Variants in THEM4 observed in about 807,000 individuals in gnomAD.
The protein encoded by THEM4 is thioesterase superfamily member 4.
A neutral mutation model predicts 25.0 loss-of-function variants in THEM4; 22 were observed. The ratio of observed to expected loss-of-function variants is 0.88; its 90% CI spans 0.63 to 1.26. THEM4 has a LOEUF of 1.26. Ranked by LOEUF, THEM4 falls within the 50% of genes most tolerant of loss-of-function variation. The pLI is 0.00. For missense variants in THEM4, 286 were observed against 300.3 expected, an observed-to-expected ratio of 0.95 and a Z score of 0.35; for synonymous variants, 113 against 105.6, an observed-to-expected ratio of 1.07 and a Z score of -0.43.
Position 151,872,443 on chromosome 1 carries a change from A to G in THEM4, c.*2445T>C, listed in dbSNP as rs1200735145. 3.9e-5 allele frequency among the ~76,000 whole-genome samples: 6 copies of G among 152,234 alleles called. No individual in the cohort carries two copies. On this transcript the variant is annotated 3_prime_UTR_variant, in exon 6 of 6. Transcript: ENST00000368814. ...TAATATGGGGAAAGAAAGGAAAGAA[A>G]TGGAAGCCCAAATAATCTATTGCCT... is the stretch of plus-strand genomic sequence containing the variant.
chr1:151,891,477 G>A (rs1654091164), intron 2 of THEM4: 1 of 152,178 alleles, frequency 6.6e-6, no homozygotes, highest in African/African-American at 2.4e-5. Flanking sequence ...CCAGGGCTGG[G>A]GTTTTCCTAG....
chr1:151,909,466 G>A lies in THEM4; in HGVS notation c.-8C>T, dbSNP rs1406250229. ...GGCGCAGCTCCTCAGCATGGCTCCG[G>A]GCCGCGGGGCCGCGCTTGCTCTAGC... On this transcript the variant is annotated 5_prime_UTR_variant, in exon 1 of 6. Coordinates refer to ENST00000368814, the MANE Select transcript of THEM4 (RefSeq NM_053055.5). 19 of 1,379,832 alleles carry A rather than the reference G, an allele frequency of 1.4e-5. No individual in the cohort carries two copies. Among genetic ancestry groups the A allele is most frequent in the Middle Eastern group, 2.6e-4 (1 of 3,794 alleles). The allele number at this position is 1,379,832 out of a possible 1,614,324, so 85.5% of individuals were successfully genotyped here.
chr1:151,902,921 G>A (rs1173268038), intron 1 of THEM4, among the ~76,000 whole-genome samples: 3 of 152,156 alleles, frequency 2.0e-5, no homozygotes, highest in African/African-American at 7.2e-5. Flanking sequence ...CAGGGAGGTG[G>A]AGGTTGCAGT....
intron 1 of THEM4, among the ~76,000 whole-genome samples, chr1:151,900,576 A>C (rs1463644511): frequency 6.6e-6 from 1 of 152,254 alleles, no homozygotes; most frequent in African/African-American, 2.4e-5. Flanking sequence ...AGCAGTCAAA[A>C]AAGACAAAGA....
At chr1:151,891,445 G>A (rs1463184640) in intron 2 of THEM4, 1 of 152,198 alleles carries the variant, frequency 6.6e-6, no homozygotes, top group Non-Finnish European at 1.5e-5. Context: ...TCAAAGTAAA[G>A]ATGGCAGATG....
intron 2 of THEM4, chr1:151,890,228 C>G: frequency 2.2e-6 from 1 of 457,444 alleles, no homozygotes; most frequent in Non-Finnish European, 4.4e-6. Context: ...TAAAAAGAAA[C>G]AGAACACTTA....
intron 2 of THEM4, among the ~76,000 whole-genome samples, chr1:151,891,853 T>C (rs1288291572): frequency 6.6e-6 from 1 of 152,066 alleles, no homozygotes; most frequent in Non-Finnish European, 1.5e-5. Context: ...GCTGCTGAAA[T>C]ACTCAACACT....
At chr1:151,908,448 T>C (rs955790048) in intron 1 of THEM4, among the ~76,000 whole-genome samples, 3 of 152,194 alleles carry the variant, frequency 2.0e-5, no homozygotes, top group Non-Finnish European at 4.4e-5. Context: ...TGGTTTGGTA[T>C]CTGTATGCCC....
intron 4 of THEM4, among the ~76,000 whole-genome samples, chr1:151,878,804 T>A (rs1437126299): frequency 6.6e-6 from 1 of 151,606 alleles, no homozygotes; most frequent in African/African-American, 2.4e-5. Context: ...TTAATTAGAT[T>A]TGTATTAGAG....
At chr1:151,879,933 G>A (rs1653775033) in intron 4 of THEM4, among the ~76,000 whole-genome samples, 1 of 151,822 alleles carries the variant, frequency 6.6e-6, no homozygotes, top group South Asian at 2.1e-4. Flanking sequence ...TGAGATTACA[G>A]GCTTGAGCCA....
intron 1 of THEM4, among the ~76,000 whole-genome samples, chr1:151,897,952 C>T (rs1654261731): frequency 1.3e-5 from 2 of 152,124 alleles, no homozygotes; most frequent in Non-Finnish European, 2.9e-5. Flanking sequence ...TCACTGGGTC[C>T]CCAAGCAGCC....
At chr1:151,888,953 C>T (rs188034037) in intron 3 of THEM4, among the ~76,000 whole-genome samples, 2 of 152,214 alleles carry the variant, frequency 1.3e-5, no homozygotes, top group African/African-American at 4.8e-5. Flanking sequence ...ACTGTTAACA[C>T]ATTAATGATA....
At chr1:151,877,199 C>T in intron 4 of THEM4, 74 bp from the exon 5 acceptor site, 1 of 1,460,172 alleles carries the variant, frequency 6.8e-7, no homozygotes, top group Non-Finnish European at 9.2e-7. Flanking sequence ...TGATCAAGTA[C>T]ATGACAAGGG....
At chr1:151,888,232 A>C in intron 4 of THEM4, 41 bp downstream of exon 4, 1 of 1,528,656 alleles carries the variant, frequency 6.5e-7, no homozygotes, top group Middle Eastern at 2.3e-4. Flanking sequence ...AACCTGACTT[A>C]ACAACACCTA....
intron 4 of THEM4, among the ~76,000 whole-genome samples, chr1:151,881,282 A>G (rs1653807172): frequency 6.6e-6 from 1 of 152,178 alleles, no homozygotes; most frequent in African/African-American, 2.4e-5. Context: ...ATCTTCTTGC[A>G]TCAACCTCCC....
chr1:151,889,138 G>T, intron 3 of THEM4, 76 bp downstream of exon 3: 1 of 1,197,768 alleles, frequency 8.3e-7, no homozygotes, highest in Non-Finnish European at 1.2e-6. Flanking sequence ...CTTTATTGTA[G>T]TCCATGTACA....
intron 4 of THEM4, among the ~76,000 whole-genome samples, chr1:151,882,291 G>A (rs550011146): frequency 2.0e-5 from 3 of 150,748 alleles, no homozygotes; most frequent in African/African-American, 7.3e-5. Context: ...CAGGAGAATC[G>A]CTTGAACGCA....
chr1:151,893,875 G>C (rs377222404), intron 2 of THEM4, among the ~76,000 whole-genome samples: 8 of 151,420 alleles, frequency 5.3e-5, no homozygotes, highest in South Asian at 2.1e-4. Flanking sequence ...TTTTTTGTAG[G>C]GGGGGAGACA....
At chr1:151,876,907 C>T (rs1300641868) in intron 5 of THEM4, 94 bp downstream of exon 5, 6 of 1,468,394 alleles carry the variant, frequency 4.1e-6, no homozygotes, top group Admixed American at 4.7e-5. Flanking sequence ...CCCCCTGACC[C>T]CCACAAAACC....
Sources: allele counts gnomAD v4.1 joint callset (sites outside exome capture counted in the v4.1 genomes callset), GRCh38; gene constraint gnomAD v4.1.1; transcripts MANE v1.5; gene names NCBI Gene and HGNC (gene_info 2026-07-23, HGNC 2026-07-21).